Variants in DDX3X observed in about 807,000 individuals in gnomAD.
DDX3X encodes DEAD-box helicase 3 X-linked.
Under a neutral mutation model 52.7 loss-of-function variants are expected in DDX3X, and 4 were observed. The ratio of observed to expected loss-of-function variants is 0.08; its 90% CI spans 0.04 to 0.17. The LOEUF is 0.17. Ranked by LOEUF, DDX3X falls within the 10% of genes least tolerant of loss-of-function variation. The probability of loss-of-function intolerance (pLI) is 1.00; values close to 1 mark genes in which losing one functional copy is unlikely to be tolerated. For missense variants in DDX3X, 222 were observed against 548.6 expected (o/e 0.40, Z 5.95); for synonymous variants, 192 against 178.1 (o/e 1.08, Z -0.62).
At chrX:41,344,928 A>G (rs1214933397) in intron 10 of DDX3X, among the ~76,000 whole-genome samples, 4 of 111,783 alleles carry the variant, frequency 3.6e-5, no homozygotes, top group African/African-American at 1.3e-4. Flanking sequence ...GAGACTTACA[A>G]CAATGATCAG....
intron 12 of DDX3X, 38 bp downstream of exon 12, chrX:41,345,586 G>A (rs767563121): frequency 8.8e-5 from 96 of 1,096,654 alleles, no homozygotes; most frequent in Non-Finnish European, 1.1e-4. Context: ...AGACATGGGG[G>A]TTTCTCTTTG....
downstream of DDX3X, among the ~76,000 whole-genome samples, chrX:41,353,297 CAAA>C (rs61067509): frequency 1.5e-4 from 7 of 46,036 alleles, no homozygotes; most frequent in African/African-American, 5.5e-4. Flanking sequence ...ACTAAAAATA[CAAA>C]AAAAAAAAAA....
At chrX:41,355,012 G>A (rs1011063421), downstream of DDX3X, among the ~76,000 whole-genome samples, 2 of 110,780 alleles carry the variant, frequency 1.8e-5, no homozygotes, top group African/African-American at 3.3e-5. Flanking sequence ...GTAGAGGCGG[G>A]GTTTCACCAT....
At chrX:41,334,125 G>C (rs917515989), upstream of DDX3X, 4 of 620,569 alleles carry the variant, frequency 6.4e-6, no homozygotes, top group South Asian at 8.5e-5. Flanking sequence ...CGGCTTTCCA[G>C]CGGGTATATT....
intron 1 of DDX3X, chrX:41,336,730 C>T (rs760155397): frequency 8.9e-5 from 10 of 111,785 alleles, no homozygotes; most frequent in African/African-American, 2.9e-4. Context: ...CAGAGGGAGA[C>T]TCTGTCTCAA....
chrX:41,356,225 C>T (rs372589995), intron 5 of DDX3X, among the ~76,000 whole-genome samples: 11 of 103,585 alleles, frequency 1.1e-4, no homozygotes, highest in African/African-American at 3.6e-4. Flanking sequence ...CTGCAACCTC[C>T]GCCTCCCAGG....
intron 5 of DDX3X, among the ~76,000 whole-genome samples, chrX:41,360,223 CA>C (rs1443712855): frequency 1.0e-5 from 1 of 100,060 alleles, no homozygotes; most frequent in Non-Finnish European, 2.0e-5. Context: ...ACTGAAAGTA[CA>C]AAAATTAGCT....
downstream of DDX3X, among the ~76,000 whole-genome samples, chrX:41,351,868 GTTTAA>G (rs2063989516): frequency 9.1e-6 from 1 of 109,772 alleles, no homozygotes; most frequent in Non-Finnish European, 1.9e-5. Flanking sequence ...ACAAAGCACT[GTTTAA>G]TTATATTATG....
At chrX:41,353,782 ATC>A (rs906945617), downstream of DDX3X, among the ~76,000 whole-genome samples, 6 of 106,632 alleles carry the variant, frequency 5.6e-5, no homozygotes, top group Non-Finnish European at 1.2e-4. Flanking sequence ...AAAAAAAAAA[ATC>A]TCTCTCTCTA....
chrX:41,337,635 T>A, intron 2 of DDX3X, 170 bp downstream of exon 2: 3 of 353,926 alleles, frequency 8.5e-6, no homozygotes, highest in Non-Finnish European at 9.2e-6. Flanking sequence ...ATCTAAAGCA[T>A]CGTTGCCTTT....
chrX:41,343,750 T>G lies in DDX3X; in HGVS notation c.693T>G (p.Thr231=). The change falls in exon 8 of 17, where the codon ACT becomes ACG. Residue 231 remains threonine, a synonymous_variant. Transcript: ENST00000644876. The stretch of plus-strand genomic sequence containing the variant: ...GTTTTTGAACAGGGTCTGGAAAAAC[T>G]GCAGCATTTCTGTTGCCCATCTTGA... The part of the protein sequence containing the change: ...MACAQTGSGK[T]AAFLLPILSQ... 1 of 1,210,614 alleles carries G rather than the reference T, an allele frequency of 8.3e-7. No individual in the cohort carries two copies. The highest frequency in any genetic ancestry group is 1.1e-6 in the Non-Finnish European group (1 of 894,460).
chrX:41,339,562 T>C (rs979323991), intron 3 of DDX3X: 1 of 112,720 alleles, frequency 8.9e-6, no homozygotes, highest in African/African-American at 3.2e-5. Context: ...TGAAAGGTTT[T>C]GTCCAAAATG....
Position 41,359,326 on chromosome X carries a change from G to A in DDX3X, c.655-4948G>A, listed in dbSNP as rs187964384. On this transcript the variant is annotated intron_variant, in intron 5 of 5. Coordinates refer to the DDX3X transcript ENST00000616050. ...ATGGACATCTGAAAGTTGCCTCCAG[G>A]CCGGGCATCGTGGCTCATGCCTGTA... is the stretch of plus-strand genomic sequence containing the variant. Among the ~76,000 whole-genome samples the A allele has an allele frequency of 3.8e-3, 428 of 111,618 alleles. 2 individuals are homozygous for A. The highest frequency in any genetic ancestry group is 6.4e-3 in the Non-Finnish European group (339 of 53,096).
At chrX:41,342,121 A>G (rs1384884233) in intron 4 of DDX3X, 1 of 170,995 alleles carries the variant, frequency 5.8e-6, no homozygotes, top group Non-Finnish European at 1.1e-5. Flanking sequence ...ATCCTAGTAT[A>G]ACTAGGACGA....
chrX:41,335,038 T>C (rs1016383095), intron 1 of DDX3X: 1 of 92,065 alleles, frequency 1.1e-5, no homozygotes, highest in African/African-American at 4.1e-5. Flanking sequence ...GTGGAAAGTT[T>C]TGTGACGCAG....
chrX:41,339,731 A>C (rs1333942739), intron 3 of DDX3X: 1 of 111,059 alleles, frequency 9.0e-6, no homozygotes, highest in Non-Finnish European at 1.9e-5. Flanking sequence ...AGGAAAACCA[A>C]AGATTAGGAG....
intron 15 of DDX3X, 55 bp downstream of exon 15, chrX:41,347,067 G>A: frequency 9.0e-7 from 1 of 1,110,878 alleles, no homozygotes; most frequent in African/African-American, 1.8e-5. Context: ...ACAGTTCATA[G>A]TGTTTCCTCT....
At chrX:41,353,315 AAAATT>A (rs1303679617), downstream of DDX3X, among the ~76,000 whole-genome samples, 3 of 105,750 alleles carry the variant, frequency 2.8e-5, no homozygotes, top group Non-Finnish European at 5.8e-5. Context: ...AAAAAAAAAA[AAAATT>A]AGCCGGGCAA....
At chrX:41,347,183 G>A in intron 15 of DDX3X, 129 bp from the exon 16 acceptor site, 1 of 958,133 alleles carries the variant, frequency 1.0e-6, no homozygotes, top group East Asian at 3.1e-5. Flanking sequence ...GTGACACTCT[G>A]TTGGGGAAAA....
Sources: allele counts gnomAD v4.1 joint callset (sites outside exome capture counted in the v4.1 genomes callset), GRCh38; gene constraint gnomAD v4.1.1; transcripts MANE v1.5; gene names NCBI Gene and HGNC (gene_info 2026-07-23, HGNC 2026-07-21).